The following FAM210A variants were observed in gnomAD, a reference collection of about 807,000 sequenced individuals.
The protein encoded by FAM210A is family with sequence similarity 210 member A.
Under a neutral mutation model 25.3 loss-of-function variants are expected in FAM210A, and 13 were observed. The ratio of observed to expected loss-of-function variants is 0.51; its 90% CI spans 0.33 to 0.82. The LOEUF (loss-of-function observed/expected upper bound fraction) is 0.82, where lower values mean the gene tolerates loss of function less well. FAM210A is among the 40% of genes least tolerant of loss of function. The pLI, the probability that FAM210A is intolerant of heterozygous loss-of-function variation, is 0.02. For missense variants in FAM210A, 319 were observed against 323.2 expected (o/e 0.99, Z 0.10); for synonymous variants, 125 against 118.7 (o/e 1.05, Z -0.35).
chr18:13,684,690 CAAT>C (rs764872108), intron 1 of FAM210A, among the ~76,000 whole-genome samples: 5 of 152,162 alleles, frequency 3.3e-5, no homozygotes, highest in Non-Finnish European at 5.9e-5. Flanking sequence ...AACTAAACAA[CAAT>C]GTTAATCAAT....
chr18:13,698,732 A>C (rs757335760), intron 1 of FAM210A, among the ~76,000 whole-genome samples: 35 of 152,182 alleles, frequency 2.3e-4, no homozygotes, highest in Non-Finnish European at 4.7e-4. Flanking sequence ...TGCTGGGCAA[A>C]GGGCACAAGG....
At chr18:13,677,407 G>A (rs970736391) in intron 2 of FAM210A, among the ~76,000 whole-genome samples, 1 of 152,164 alleles carries the variant, frequency 6.6e-6, no homozygotes, top group African/African-American at 2.4e-5. Flanking sequence ...ACTCTAAGGG[G>A]GTCCGCGTGA....
rs1414551070 is a variant in FAM210A, at chr18:13,726,520, C to G, written c.-220G>C. 6.6e-6 allele frequency: 1 copy of G among 152,406 alleles called. No homozygotes were observed. The highest frequency in any genetic ancestry group is 2.4e-5 in the African/African-American group (1 of 41,458). 9.4% of individuals were successfully genotyped at this position (152,406 alleles called of 1,614,324 possible). The stretch of plus-strand genomic sequence containing the variant: ...CCCCGCCAGCCGCGCCCACTAGCAA[C>G]GTGCTCGCGACCTCCAGTGCCCGCT... On this transcript the variant is annotated 5_prime_UTR_variant, in exon 1 of 4. Coordinates refer to ENST00000651643, the MANE Select transcript of FAM210A (RefSeq NM_152352.4).
chr18:13,700,935 C>T (rs978443101), intron 1 of FAM210A, among the ~76,000 whole-genome samples: 4 of 152,298 alleles, frequency 2.6e-5, no homozygotes, highest in Admixed American at 2.0e-4. Flanking sequence ...TTCTGATTTC[C>T]GTATATCATT....
At chr18:13,710,308 C>T (rs535833905) in intron 1 of FAM210A, 4 of 152,190 alleles carry the variant, frequency 2.6e-5, no homozygotes, top group East Asian at 1.9e-4. Flanking sequence ...CTCAGCCTCT[C>T]GAGTAGCTGG....
chr18:13,686,036 GA>G (rs542291226), intron 1 of FAM210A, among the ~76,000 whole-genome samples: 10 of 152,010 alleles, frequency 6.6e-5, no homozygotes, highest in Admixed American at 6.6e-4. Flanking sequence ...GTTCTTTGGG[GA>G]AAAAATGAAT....
chr18:13,708,174 G>A (rs992344279), intron 1 of FAM210A, among the ~76,000 whole-genome samples: 2 of 152,146 alleles, frequency 1.3e-5, no homozygotes, highest in East Asian at 1.9e-4. Context: ...GTCCTTTAAC[G>A]CTGGGTTTGA....
chr18:13,692,778 C>A (rs912894746), intron 1 of FAM210A, among the ~76,000 whole-genome samples: 3 of 152,026 alleles, frequency 2.0e-5, no homozygotes, highest in Non-Finnish European at 4.4e-5. Context: ...ACACTAAATG[C>A]CCACAAGAGA....
At chr18:13,678,533 G>A (rs531169922) in intron 2 of FAM210A, among the ~76,000 whole-genome samples, 18 of 152,088 alleles carry the variant, frequency 1.2e-4, no homozygotes, top group Middle Eastern at 3.4e-3. Flanking sequence ...CAGACGATCC[G>A]CCTGCCTCAG....
chr18:13,690,444 C>T (rs1294579903), intron 1 of FAM210A, among the ~76,000 whole-genome samples: 1 of 152,214 alleles, frequency 6.6e-6, no homozygotes, highest in African/African-American at 2.4e-5. Flanking sequence ...TGAGAATGGA[C>T]AGTCTGCCTT....
At chr18:13,689,128 A>G (rs2043621709) in intron 1 of FAM210A, among the ~76,000 whole-genome samples, 1 of 152,192 alleles carries the variant, frequency 6.6e-6, no homozygotes, top group South Asian at 2.1e-4. Context: ...CTTTTCCTTC[A>G]GAGGTTCACC....
intron 2 of FAM210A, among the ~76,000 whole-genome samples, chr18:13,678,999 C>G (rs1055368894): frequency 1.3e-5 from 2 of 152,230 alleles, no homozygotes; most frequent in African/African-American, 4.8e-5. Flanking sequence ...CTCTGCAAGG[C>G]TTTGCCAGAT....
rs779862422 is a variant in FAM210A at position 13,681,775 on chromosome 18, T to C, written c.303A>G (p.Thr101=). Residue 101 remains threonine (T), a synonymous_variant, in exon 2 of 4, where the codon ACA becomes ACG. Coordinates refer to ENST00000651643, the MANE Select transcript of FAM210A (RefSeq NM_152352.4). The stretch of plus-strand genomic sequence containing the variant: ...CCTTTTTTTCCGGAGTTCCCTGAGC[T>C]GTGGCACTGGATGAAAAAACCCTCC... ...SFRRVFSSSA[T]AQGTPEKKEE... is the part of the protein sequence containing the mutation. The C allele has an allele frequency of 1.9e-6, 3 of 1,614,108 alleles. No individual in the cohort carries two copies. The highest frequency in any genetic ancestry group is 4.5e-5 in the East Asian group (2 of 44,900).
intron 1 of FAM210A, among the ~76,000 whole-genome samples, chr18:13,722,300 C>T (rs1269165038): frequency 6.6e-6 from 1 of 151,150 alleles, no homozygotes; most frequent in Non-Finnish European, 1.5e-5. Context: ...CCCTGCCATC[C>T]TAGATCCAAC....
intron 1 of FAM210A, among the ~76,000 whole-genome samples, chr18:13,724,482 C>T (rs533067347): frequency 1.6e-3 from 240 of 152,252 alleles, no homozygotes; most frequent in African/African-American, 5.4e-3. Flanking sequence ...ACCTTGGCAC[C>T]TAAAAGGTAC....
chr18:13,721,261 T>C (rs2043895701), intron 1 of FAM210A, among the ~76,000 whole-genome samples: 1 of 152,166 alleles, frequency 6.6e-6, no homozygotes. Flanking sequence ...TGATCTTTAC[T>C]AACAGATACT....
chr18:13,674,085 C>T (rs3016705), intron 2 of FAM210A, among the ~76,000 whole-genome samples: 1 of 150,214 alleles, frequency 6.7e-6, no homozygotes, highest in Non-Finnish European at 1.5e-5. Flanking sequence ...AATTCCTGAG[C>T]CCTGGCTTCT....
At chr18:13,683,011 T>A (rs1461903879) in intron 1 of FAM210A, among the ~76,000 whole-genome samples, 1 of 152,094 alleles carries the variant, frequency 6.6e-6, no homozygotes, top group Non-Finnish European at 1.5e-5. Flanking sequence ...GGGGAAAAAA[T>A]AAGATCTGGG....
intron 1 of FAM210A, among the ~76,000 whole-genome samples, chr18:13,691,263 A>C (rs1302993832): frequency 6.6e-6 from 1 of 152,220 alleles, no homozygotes; most frequent in Non-Finnish European, 1.5e-5. Flanking sequence ...ATGTGAAAAG[A>C]CCAAATCTAC....
Sources: allele counts gnomAD v4.1 joint callset (sites outside exome capture counted in the v4.1 genomes callset), GRCh38; gene constraint gnomAD v4.1.1; transcripts MANE v1.5; gene names NCBI Gene and HGNC (gene_info 2026-07-23, HGNC 2026-07-21).